Variants in CDH2 observed in about 807,000 individuals in gnomAD.
CDH2 encodes cadherin 2, also known as cadherin-2.
Under a neutral mutation model 92.0 loss-of-function variants are expected in CDH2, and 17 were observed. The observed-to-expected ratio is 0.18, with a 90% CI of 0.13 to 0.28. The LOEUF (loss-of-function observed/expected upper bound fraction) is 0.28, where lower values mean the gene tolerates loss of function less well. Ranked by LOEUF, CDH2 falls within the 10% of genes least tolerant of loss-of-function variation. The probability of loss-of-function intolerance (pLI) is 1.00; values close to 1 mark genes in which losing one functional copy is unlikely to be tolerated. For missense variants in CDH2, 862 were observed against 1,133.1 expected (o/e 0.76, Z 3.44); for synonymous variants, 419 against 415.9 (o/e 1.01, Z -0.09).
intron 1 of CDH2, among the ~76,000 whole-genome samples, chr18:28,157,021 G>T (rs1023825235): frequency 5.9e-5 from 9 of 152,224 alleles, no homozygotes; most frequent in African/African-American, 2.2e-4. Context: ...AGCTTACCAT[G>T]AAGTGGATGC....
intron 15 of CDH2, among the ~76,000 whole-genome samples, chr18:27,960,019 A>AACACACACACACACACACAC (rs5823570): frequency 2.8e-4 from 42 of 149,614 alleles, no homozygotes; most frequent in African/African-American, 3.7e-4. Flanking sequence ...TGTCTCTTAA[A>AACACACACACACACACACAC]ACACACACAC....
chr18:27,965,255 TC>T (rs1456960109), intron 14 of CDH2, among the ~76,000 whole-genome samples: 2 of 152,180 alleles, frequency 1.3e-5, no homozygotes, highest in Non-Finnish European at 2.9e-5. Flanking sequence ...CCTGAATATT[TC>T]CTTATCAAGA....
At chr18:27,957,087 T>A (rs1567935829) in intron 15 of CDH2, among the ~76,000 whole-genome samples, 1 of 151,900 alleles carries the variant, frequency 6.6e-6, no homozygotes, top group South Asian at 2.1e-4. Flanking sequence ...TCATTTTTTT[T>A]AGAATTATAC....
chr18:28,058,431 G>A (rs559062678), intron 2 of CDH2, among the ~76,000 whole-genome samples: 1 of 152,222 alleles, frequency 6.6e-6, no homozygotes, highest in East Asian at 1.9e-4. Context: ...CTTGGTTCAA[G>A]GTTAAAATGG....
intron 2 of CDH2, among the ~76,000 whole-genome samples, chr18:28,091,861 T>A (rs72884206): frequency 2.0e-5 from 3 of 152,210 alleles, no homozygotes; most frequent in Non-Finnish European, 2.9e-5. Context: ...CATTACAGAC[T>A]GCCTGGCTTA....
At chr18:28,118,711 A>G (rs990319298) in intron 2 of CDH2, among the ~76,000 whole-genome samples, 1 of 151,994 alleles carries the variant, frequency 6.6e-6, no homozygotes, top group Non-Finnish European at 1.5e-5. Flanking sequence ...AGGAAGGAAG[A>G]CTTAGGCCGT....
At chr18:27,963,798 T>A (rs570270077) in intron 14 of CDH2, 47 of 346,608 alleles carry the variant, frequency 1.4e-4, no homozygotes, top group African/African-American at 8.6e-4. Context: ...GGTCTCACTA[T>A]AAAACAACTA....
chr18:27,982,853 A>G, intron 14 of CDH2, 91 bp downstream of exon 14: 1 of 752,796 alleles, frequency 1.3e-6, no homozygotes, highest in Non-Finnish European at 2.0e-6. Context: ...GGGAAACCTG[A>G]TACCATTTTC....
At chr18:28,156,362 G>A (rs1179322923) in intron 1 of CDH2, among the ~76,000 whole-genome samples, 1 of 152,124 alleles carries the variant, frequency 6.6e-6, no homozygotes, top group Non-Finnish European at 1.5e-5. Flanking sequence ...ACAAAAATCT[G>A]GGTCAAAATC....
At chr18:28,025,317 A>G (rs1415560262) in intron 2 of CDH2, among the ~76,000 whole-genome samples, 1 of 152,152 alleles carries the variant, frequency 6.6e-6, no homozygotes, top group East Asian at 1.9e-4. Context: ...CAGGAGTTCG[A>G]GACCAGCCTG....
chr18:28,039,533 T>A (rs1470707129), intron 2 of CDH2, among the ~76,000 whole-genome samples: 1 of 151,998 alleles, frequency 6.6e-6, no homozygotes, highest in Admixed American at 6.6e-5. Context: ...TGCCCCTAGG[T>A]CCCACAACTG....
At chr18:28,120,195 A>T (rs990920210) in intron 2 of CDH2, among the ~76,000 whole-genome samples, 2 of 152,098 alleles carry the variant, frequency 1.3e-5, no homozygotes, top group African/African-American at 4.8e-5. Context: ...ATTCTGTCAT[A>T]CACACATACA....
At chr18:28,039,348 C>T (rs1195350079) in intron 2 of CDH2, among the ~76,000 whole-genome samples, 1 of 152,132 alleles carries the variant, frequency 6.6e-6, no homozygotes, top group African/African-American at 2.4e-5. Flanking sequence ...TGGCTGGCTG[C>T]ATTCCTTCCA....
Position 27,969,961 on chromosome 18 carries a change from T to A in CDH2, c.2350-6440A>T, listed in dbSNP as rs139755526. 2.0e-5 allele frequency among the ~76,000 whole-genome samples: 3 copies of A among 152,042 alleles called. No individual in the cohort carries two copies. The South Asian group carries it at 6.2e-4, about 32-fold the overall frequency. On this transcript the variant is annotated intron_variant, in intron 14 of 15. Transcript: ENST00000269141. The stretch of plus-strand genomic sequence containing the variant: ...GTTGCAGTGAGCCAAGATCGTGCCA[T>A]TGCACTCCAGCCTGGGCGACAACAG...
intron 2 of CDH2, among the ~76,000 whole-genome samples, chr18:28,141,163 T>C (rs2015946361): frequency 6.6e-6 from 1 of 151,760 alleles, no homozygotes; most frequent in African/African-American, 2.4e-5. Context: ...AATCCCTCAA[T>C]TCTACTCCCA....
At chr18:28,095,832 A>AAG (rs2015125502) in intron 2 of CDH2, among the ~76,000 whole-genome samples, 6 of 151,490 alleles carry the variant, frequency 4.0e-5, no homozygotes, top group African/African-American at 1.2e-4. Context: ...AAAAGAAAGA[A>AAG]AAGAGAATTA....
chr18:27,991,384 T>C (rs981875071), intron 9 of CDH2, among the ~76,000 whole-genome samples: 32 of 152,272 alleles, frequency 2.1e-4, no homozygotes, highest in Admixed American at 7.9e-4. Context: ...CATCTTTTTT[T>C]CTCTCTAAAT....
chr18:28,020,384 G>A (rs1409701346), intron 2 of CDH2, among the ~76,000 whole-genome samples: 1 of 151,850 alleles, frequency 6.6e-6, no homozygotes, highest in Non-Finnish European at 1.5e-5. Context: ...ACATAGAAAC[G>A]ATGTGAAAGG....
chr18:28,111,801 A>C (rs1309197105), intron 2 of CDH2, among the ~76,000 whole-genome samples: 1 of 152,214 alleles, frequency 6.6e-6, no homozygotes. Context: ...ATGATCTTTC[A>C]AGTTTTTTTT....
Sources: gnomAD v4.1 joint callset for allele counts (sites outside exome capture counted in the v4.1 genomes callset) on GRCh38, gnomAD v4.1.1 for gene constraint, MANE v1.5 for transcripts, NCBI Gene and HGNC (gene_info 2026-07-23, HGNC 2026-07-21) for gene names.